The following SPHKAP variants were observed in gnomAD, a reference collection of about 807,000 sequenced individuals.
The protein encoded by SPHKAP is A-kinase anchor protein SPHKAP.
In SPHKAP, 67 loss-of-function variants were observed where a neutral mutation model predicts 137.5. That is an observed-to-expected ratio of 0.49 (90% confidence interval 0.40 to 0.60). The LOEUF (loss-of-function observed/expected upper bound fraction) is 0.60. Ranked by LOEUF, SPHKAP falls within the 20% of genes least tolerant of loss-of-function variation. The pLI, the probability that SPHKAP is intolerant of heterozygous loss-of-function variation, is 0.00. For synonymous variants in SPHKAP, 813 were observed against 785.3 expected, an observed-to-expected ratio of 1.04 and a Z score of -0.59; for missense variants, 2,097 against 2,069.3, an observed-to-expected ratio of 1.01 and a Z score of -0.26.
intron 11 of SPHKAP, among the ~76,000 whole-genome samples, chr2:227,986,999 T>A (rs1187822841): frequency 1.3e-5 from 2 of 152,224 alleles, no homozygotes; most frequent in African/African-American, 4.8e-5. Flanking sequence ...TTTTAAATTA[T>A]TGGATGTAGG....
Position 228,011,229 on chromosome 2 carries a change from C to CTT in SPHKAP, c.4448+5175_4448+5176dup, listed in dbSNP as rs34531138. 2.5e-4 allele frequency among the ~76,000 whole-genome samples: 37 copies of CTT among 145,816 alleles called. 1 individual carries two copies. The highest frequency in any genetic ancestry group is 6.8e-4 in the Admixed American group (10 of 14,732). On this transcript the variant is annotated intron_variant, in intron 7 of 11. Coordinates refer to ENST00000392056, the MANE Select transcript of SPHKAP (RefSeq NM_001142644.2). Reference sequence around the variant, plus strand: ...CCAGAGCTTGAACCCTCAAAGATGCCTTTTTTTTTTTTTTTTAATCAGTTC... The same window carrying CTT: ...CCAGAGCTTGAACCCTCAAAGATGCCTTTTTTTTTTTTTTTTTTAATCAGTTC...
At chr2:228,080,954 A>C (rs543524708) in intron 3 of SPHKAP, among the ~76,000 whole-genome samples, 74 of 152,248 alleles carry the variant, frequency 4.9e-4, no homozygotes, top group African/African-American at 1.7e-3. Context: ...CAAAAAATTA[A>C]AAATAGAATT....
chr2:228,141,974 C>G (rs371585559), intron 1 of SPHKAP, among the ~76,000 whole-genome samples: 1 of 152,084 alleles, frequency 6.6e-6, no homozygotes, highest in Admixed American at 6.5e-5. Context: ...AAATCCTTCC[C>G]TCTAGGGATT....
Position 228,045,599 on chromosome 2 carries a change from G to A in SPHKAP, c.247-18056C>T, listed in dbSNP as rs184720777. 7.6e-4 allele frequency among the ~76,000 whole-genome samples: 116 copies of A among 152,064 alleles called. 1 individual carries two copies. The highest frequency in any genetic ancestry group is 3.4e-3 in the Middle Eastern group (1 of 294). ...AACATCACACAGCGGGGACTGTTGC[G>A]GGATTGGGGGAGCGGGGAGGGATAG... On this transcript the variant is annotated intron_variant, in intron 3 of 11. Transcript: ENST00000392056.
At chr2:227,998,228 A>G (rs1271671206) in intron 7 of SPHKAP, among the ~76,000 whole-genome samples, 1 of 151,884 alleles carries the variant, frequency 6.6e-6, no homozygotes, top group Admixed American at 6.6e-5. Context: ...CTGGTCTCGA[A>G]CTCAAGTGAC....
intron 7 of SPHKAP, among the ~76,000 whole-genome samples, chr2:228,004,614 G>T (rs1694055526): frequency 6.6e-6 from 1 of 152,064 alleles, no homozygotes; most frequent in Non-Finnish European, 1.5e-5. Context: ...GCATGTGTTT[G>T]CTCTTGCTTC....
In SPHKAP at chr2:228,020,151, C is replaced by T. The variant is rs956059459; in HGVS notation, c.703G>A (p.Glu235Lys). 4 of 1,595,988 alleles carry T rather than the reference C, an allele frequency of 2.5e-6. No homozygotes were observed. The highest frequency in any genetic ancestry group is 3.4e-6 in the Non-Finnish European group (4 of 1,173,390). Residue 235 changes from glutamate to lysine, a missense_variant, in exon 7 of 12, where the codon GAA (glutamate) becomes AAA (lysine). By Grantham distance (56) the Glu-to-Lys change is moderately conservative. Transcript: ENST00000392056. ...ACATTGGCTGAGACATTTATATTTT[C>T]ATAATCTAGTGAGGAGAAAATGAGG... ...SEVDESRNDY[E>K]NINVSANVLE...
chr2:227,988,477 G>A (rs755982423), intron 11 of SPHKAP, among the ~76,000 whole-genome samples: 8 of 152,186 alleles, frequency 5.3e-5, no homozygotes, highest in Non-Finnish European at 7.4e-5. Context: ...CAAATACCAA[G>A]TCAGGGCATG....
At chr2:228,011,419 G>T (rs1694363778) in intron 7 of SPHKAP, among the ~76,000 whole-genome samples, 1 of 152,106 alleles carries the variant, frequency 6.6e-6, no homozygotes, top group African/African-American at 2.4e-5. Flanking sequence ...TACAGAGACT[G>T]GTAGATGCCC....
rs558528920 is a variant in SPHKAP, at chr2:228,021,760, G to C, written c.648C>G (p.Thr216=). ...SLSSIEEDFL[T]ASEHLEEESE... ...TTTCCTCCTCCAAGTGCTCAGAAGC[G>C]GTGAGAAAGTCTTCCTCGATTGAAG... The change falls in exon 6 of 12, where the codon ACC becomes ACG. Residue 216 remains threonine (T), a synonymous_variant. Transcript: ENST00000392056. 4 of 1,614,108 alleles carry C rather than the reference G, an allele frequency of 2.5e-6. No homozygotes were observed. The highest frequency in any genetic ancestry group is 4.5e-5 in the East Asian group (2 of 44,868).
chr2:228,036,777 G>T (rs868643464), intron 3 of SPHKAP, among the ~76,000 whole-genome samples: 2 of 151,774 alleles, frequency 1.3e-5, no homozygotes, highest in South Asian at 2.1e-4. Flanking sequence ...GAAAACTATC[G>T]CAAGGACAAA....
chr2:228,057,501 G>A (rs1220671366), intron 3 of SPHKAP, among the ~76,000 whole-genome samples: 3 of 152,140 alleles, frequency 2.0e-5, no homozygotes, highest in African/African-American at 7.2e-5. Flanking sequence ...TCTTCAGGGG[G>A]TGTGTGCCAG....
intron 1 of SPHKAP, among the ~76,000 whole-genome samples, chr2:228,154,640 C>G (rs1402060825): frequency 5.0e-5 from 7 of 141,102 alleles, no homozygotes; most frequent in Non-Finnish European, 9.1e-5. Flanking sequence ...GCTCTACCTC[C>G]CAGGTTCACG....
Position 228,018,962 on chromosome 2 carries a change from T to C in SPHKAP, c.1892A>G (p.Asn631Ser). 6.2e-7 allele frequency: 1 copy of C among 1,614,150 alleles called. No homozygotes were observed. The highest frequency in any genetic ancestry group is 8.5e-7 in the Non-Finnish European group (1 of 1,180,004). ...AAAGTCTCCAATGCTGCTGTAGGTA[T>C]TAGGCCTTGTTAAAACCAGAGCAGC... ...KEAALVLTRPNTYSSIGDFLD... is the reference protein window; with the variant it reads ...KEAALVLTRPSTYSSIGDFLD... Residue 631 changes from asparagine (N) to serine (S), a missense_variant, in exon 7 of 12, where the codon AAT becomes AGT. Asn to Ser is a conservative substitution (Grantham distance 46, BLOSUM62 1). Coordinates refer to ENST00000392056, the MANE Select transcript of SPHKAP (RefSeq NM_001142644.2).
chr2:228,129,316 T>A (rs1699173929), intron 2 of SPHKAP, among the ~76,000 whole-genome samples: 1 of 152,226 alleles, frequency 6.6e-6, no homozygotes, highest in South Asian at 2.1e-4. Flanking sequence ...TTATAAAAAA[T>A]GCATTATCTG....
intron 1 of SPHKAP, among the ~76,000 whole-genome samples, chr2:228,171,742 G>A (rs1045985031): frequency 2.1e-4 from 32 of 152,134 alleles, no homozygotes; most frequent in African/African-American, 7.2e-4. Context: ...CCCACACACT[G>A]TTAATGTAAG....
At chr2:228,163,063 A>G (rs57727599) in intron 1 of SPHKAP, among the ~76,000 whole-genome samples, 21,760 of 152,156 alleles carry the variant, frequency 0.14, 1,588 homozygotes, top group East Asian at 0.2. Flanking sequence ...GCTTTGTTAC[A>G]GCCACAGAAA....
At chr2:228,103,416 A>G (rs912526423) in intron 3 of SPHKAP, among the ~76,000 whole-genome samples, 3 of 152,218 alleles carry the variant, frequency 2.0e-5, no homozygotes, top group African/African-American at 7.2e-5. Flanking sequence ...AAGCCTCCCA[A>G]GTAGGTCCCT....
At chr2:228,026,966 C>G (rs972930716) in intron 4 of SPHKAP, among the ~76,000 whole-genome samples, 1 of 152,166 alleles carries the variant, frequency 6.6e-6, no homozygotes, top group African/African-American at 2.4e-5. Flanking sequence ...TTAATTCTTC[C>G]CATTGTATCA....
Sources: allele counts gnomAD v4.1 joint callset (sites outside exome capture counted in the v4.1 genomes callset), GRCh38; gene constraint gnomAD v4.1.1; transcripts MANE v1.5; gene names NCBI Gene and HGNC (gene_info 2026-07-23, HGNC 2026-07-21).